SKIC2: variants seen among roughly 807,000 people sequenced by gnomAD.
SKIC2 encodes the protein SKI2 subunit of superkiller complex, also known as superkiller complex protein 2.
chr6:31,959,992 A>T, the SKIC2 span: 4 of 1,573,824 alleles, frequency 2.5e-6, no homozygotes, highest in Non-Finnish European at 3.5e-6. Context: ...AATGCCTCTC[A>T]TCTTGCCCTT....
the SKIC2 span, chr6:31,966,105 T>C: frequency 1.1e-6 from 1 of 881,584 alleles, no homozygotes; most frequent in Non-Finnish European, 1.7e-6. This position sits in a 1 kb window ranked among gnomAD's most constrained non-coding sequence, Gnocchi z 5.9. Context: ...CTTCTTCCTT[T>C]TTTTTTTGGA....
chr6:31,967,913 C>T, the SKIC2 span: 1 of 1,612,920 alleles, frequency 6.2e-7, no homozygotes, highest in East Asian at 2.2e-5. The surrounding 1 kb of genome is among the most constrained non-coding windows in gnomAD (Gnocchi z 4.9). Context: ...AGCAGGATGC[C>T]TGGGTCCATG....
the SKIC2 span, among the ~76,000 whole-genome samples, chr6:31,965,594 T>C: frequency 6.6e-6 from 1 of 152,128 alleles, no homozygotes; most frequent in Non-Finnish European, 1.5e-5. This position sits in a 1 kb window ranked among gnomAD's most constrained non-coding sequence, Gnocchi z 5.6. Context: ...TAGAAATAAG[T>C]AGCTACATAA....
At chr6:31,963,874 C>T in the SKIC2 span, 38 of 1,569,076 alleles carry the variant, frequency 2.4e-5, no homozygotes, top group Non-Finnish European at 3.1e-5. This position sits in a 1 kb window ranked among gnomAD's most constrained non-coding sequence, Gnocchi z 5.3. Flanking sequence ...GGTTCAGGAA[C>T]TCAACCTCTG....
the SKIC2 span, chr6:31,967,571 T>G: frequency 1.1e-6 from 1 of 942,700 alleles, no homozygotes; most frequent in East Asian, 2.4e-5. The surrounding 1 kb of genome is among the most constrained non-coding windows in gnomAD (Gnocchi z 4.9). Context: ...AAGTCTGCTC[T>G]GATCGCTTGA....
the SKIC2 span, chr6:31,965,811 T>C: frequency 2.5e-6 from 4 of 1,611,996 alleles, no homozygotes; most frequent in Non-Finnish European, 3.4e-6. This position sits in a 1 kb window ranked among gnomAD's most constrained non-coding sequence, Gnocchi z 5.6. Flanking sequence ...ACCTTTGCCA[T>C]GGGAGTAAAC....
the SKIC2 span, chr6:31,962,675 G>GTCTCC: frequency 6.2e-7 from 1 of 1,604,840 alleles, no homozygotes; most frequent in Non-Finnish European, 8.5e-7. The surrounding 1 kb of genome is among the most constrained non-coding windows in gnomAD (Gnocchi z 5.0). Context: ...GGGTGGAGAC[G>GTCTCC]AGCCACTGGG....
At chr6:31,959,621 C>T in the SKIC2 span, 1 of 556,974 alleles carries the variant, frequency 1.8e-6, no homozygotes, top group Non-Finnish European at 3.2e-6. Flanking sequence ...GCTGCTCTTT[C>T]AAATGTGGCA....
At chr6:31,965,821 C>T in the SKIC2 span, 1 of 1,612,628 alleles carries the variant, frequency 6.2e-7, no homozygotes, top group Non-Finnish European at 8.5e-7. This position sits in a 1 kb window ranked among gnomAD's most constrained non-coding sequence, Gnocchi z 5.6. Context: ...TGGGAGTAAA[C>T]ATGCCTGCTC....
At chr6:31,966,888 GC>G in the SKIC2 span, 1 of 1,613,748 alleles carries the variant, frequency 6.2e-7, no homozygotes, top group Non-Finnish European at 8.5e-7. This position sits in a 1 kb window ranked among gnomAD's most constrained non-coding sequence, Gnocchi z 5.9. Flanking sequence ...CAGGAGGTTG[GC>G]CAAAGACAGG....
chr6:31,969,277 CA>C, the SKIC2 span: 1 of 1,614,066 alleles, frequency 6.2e-7, no homozygotes, highest in Non-Finnish European at 8.5e-7. This position sits in a 1 kb window ranked among gnomAD's most constrained non-coding sequence, Gnocchi z 6.1. Context: ...TTCTTTCCTG[CA>C]GGGAATAGAA....
chr6:31,962,646 A>G, the SKIC2 span: 3 of 1,607,662 alleles, frequency 1.9e-6, no homozygotes, highest in Non-Finnish European at 2.6e-6. The surrounding 1 kb of genome is among the most constrained non-coding windows in gnomAD (Gnocchi z 5.0). Context: ...CGTTGTGGAG[A>G]GTGTGCTGTC....
chr6:31,964,841 C>T, the SKIC2 span, among the ~76,000 whole-genome samples: 2 of 152,116 alleles, frequency 1.3e-5, no homozygotes, highest in Non-Finnish European at 2.9e-5. This position sits in a 1 kb window ranked among gnomAD's most constrained non-coding sequence, Gnocchi z 5.0. Flanking sequence ...CTATATTGGC[C>T]GGGCATGGTG....
At chr6:31,963,716 CA>C in the SKIC2 span, 6 of 1,546,906 alleles carry the variant, frequency 3.9e-6, no homozygotes, top group Non-Finnish European at 5.2e-6. The surrounding 1 kb of genome is among the most constrained non-coding windows in gnomAD (Gnocchi z 5.3). Context: ...GCCCACACAT[CA>C]GGGGGGCCCT....
the SKIC2 span, chr6:31,961,204 A>C: frequency 1.6e-5 from 26 of 1,613,840 alleles, no homozygotes; most frequent in Non-Finnish European, 1.9e-5. Context: ...AGATTGTCCA[A>C]CTCCAGCTCC....
chr6:31,969,011 G>A, the SKIC2 span: 2 of 1,612,826 alleles, frequency 1.2e-6, no homozygotes, highest in Non-Finnish European at 8.5e-7. The surrounding 1 kb of genome is among the most constrained non-coding windows in gnomAD (Gnocchi z 6.1). Flanking sequence ...GGCCTGAGGA[G>A]ATTGCTGCCT....
chr6:31,964,422 G>T, the SKIC2 span: 1 of 1,049,720 alleles, frequency 9.5e-7, no homozygotes, highest in Non-Finnish European at 1.5e-6. The surrounding 1 kb of genome is among the most constrained non-coding windows in gnomAD (Gnocchi z 5.0). Flanking sequence ...AGGGGCAGAG[G>T]TTTAGGCAGG....
At chr6:31,969,411 C>A in the SKIC2 span, 1 of 1,614,136 alleles carries the variant, frequency 6.2e-7, no homozygotes, top group Non-Finnish European at 8.5e-7. This position sits in a 1 kb window ranked among gnomAD's most constrained non-coding sequence, Gnocchi z 6.1. Context: ...ATGAGTGGGC[C>A]CGGGGCATGG....
the SKIC2 span, chr6:31,969,120 G>A: frequency 1.3e-6 from 2 of 1,594,438 alleles, no homozygotes; most frequent in Non-Finnish European, 1.7e-6. The surrounding 1 kb of genome is among the most constrained non-coding windows in gnomAD (Gnocchi z 6.1). Context: ...CTCCCTGCCA[G>A]GGCTGTGGCA....
Sources: allele counts gnomAD v4.1 joint callset (sites outside exome capture counted in the v4.1 genomes callset), GRCh38; gene constraint gnomAD v4.1.1; non-coding constraint Gnocchi (gnomAD v3.1); transcripts MANE v1.5; gene names NCBI Gene and HGNC (gene_info 2026-07-23, HGNC 2026-07-21).